Variants in ALOX5 observed in about 807,000 individuals in gnomAD.
ALOX5 encodes the protein polyunsaturated fatty acid 5-lipoxygenase.
ALOX5 carries 64 observed loss-of-function variants against 87.9 expected under a neutral mutation model. The observed-to-expected ratio is 0.73, with a 90% CI of 0.60 to 0.90. ALOX5 has a LOEUF of 0.90. Ranked by LOEUF, ALOX5 falls within the 40% of genes least tolerant of loss-of-function variation. ALOX5 has a pLI of 0.00. For synonymous variants in ALOX5, 388 were observed against 355.1 expected, an observed-to-expected ratio of 1.09 and a Z score of -1.04; for missense variants, 822 against 907.5, an observed-to-expected ratio of 0.91 and a Z score of 1.21.
chr10:45,428,505 G>A, intron 6 of ALOX5, 113 bp from the exon 7 acceptor site: 3 of 1,349,332 alleles, frequency 2.2e-6, no homozygotes, highest in Middle Eastern at 2.6e-4. Flanking sequence ...TCTGAGCTCC[G>A]CTGAGTCGCA....
intron 3 of ALOX5, among the ~76,000 whole-genome samples, chr10:45,405,187 A>G (rs961288737): frequency 7.2e-5 from 11 of 152,264 alleles, no homozygotes; most frequent in Admixed American, 6.5e-5. Context: ...TGGCAGATCC[A>G]TTTCCAGAAC....
chr10:45,376,610 A>G (rs538549201), intron 1 of ALOX5, among the ~76,000 whole-genome samples: 1 of 152,232 alleles, frequency 6.6e-6, no homozygotes, highest in African/African-American at 2.4e-5. Flanking sequence ...TAAAATCTGT[A>G]TTGTTAACAG....
At chr10:45,420,519 A>G (rs958432710) in intron 4 of ALOX5, among the ~76,000 whole-genome samples, 1 of 152,226 alleles carries the variant, frequency 6.6e-6, no homozygotes, top group Non-Finnish European at 1.5e-5. Context: ...GGCCCTTGCT[A>G]AAATCTGGAT....
intron 11 of ALOX5, 24 bp downstream of exon 11, chr10:45,443,561 G>A: frequency 6.2e-7 from 1 of 1,604,164 alleles, no homozygotes; most frequent in South Asian, 1.1e-5. Context: ...GACGTCTCCG[G>A]ACCCGGCTCC....
chr10:45,399,527 A>T (rs913828472), intron 3 of ALOX5, among the ~76,000 whole-genome samples: 3 of 152,270 alleles, frequency 2.0e-5, no homozygotes, highest in Non-Finnish European at 4.4e-5. Context: ...GTAAGGGCTA[A>T]CAACATAACA....
At chr10:45,393,798 T>G (rs1840393016) in intron 2 of ALOX5, among the ~76,000 whole-genome samples, 1 of 152,172 alleles carries the variant, frequency 6.6e-6, no homozygotes. Flanking sequence ...ACAAGCATTC[T>G]TATACACCAA....
intron 3 of ALOX5, among the ~76,000 whole-genome samples, chr10:45,406,941 A>ATAT (rs1286782915): frequency 2.6e-5 from 4 of 152,122 alleles, no homozygotes; most frequent in Non-Finnish European, 5.9e-5. Context: ...GTTTACTATT[A>ATAT]TATTTGCTGT....
At chr10:45,423,966 G>A (rs758315393) in intron 4 of ALOX5, 75 bp from the exon 5 acceptor site, 10 of 1,212,724 alleles carry the variant, frequency 8.2e-6, no homozygotes, top group Non-Finnish European at 1.1e-5. Flanking sequence ...GGACCCCTGA[G>A]AGCTTGGTGT....
intron 4 of ALOX5, among the ~76,000 whole-genome samples, chr10:45,412,924 T>C (rs1255377214): frequency 1.3e-5 from 2 of 152,226 alleles, no homozygotes; most frequent in Non-Finnish European, 2.9e-5. Context: ...CGGGAGACTC[T>C]AGGCTGCTTG....
rs780414635 is a variant in ALOX5 at position 45,425,002 on chromosome 10, A to G, written c.704A>G (p.Tyr235Cys). 1 of 1,614,194 alleles carries G rather than the reference A, an allele frequency of 6.2e-7. No homozygotes were observed. The change falls in exon 6 of 14, where the codon TAC (tyrosine) becomes TGC (cysteine). Residue 235 changes from tyrosine to cysteine, a missense_variant. Tyr to Cys is a radical substitution (Grantham distance 194). Coordinates refer to ENST00000374391, the MANE Select transcript of ALOX5 (RefSeq NM_000698.5). The surrounding 1 kb of genome is among the most constrained non-coding windows in gnomAD (Gnocchi z 4.4). Reference sequence around the variant, plus strand: ...TGGCAGGAAGACCTGATGTTTGGCTACCAGTTCCTGAATGGCTGCAACCCT... The same window carrying G: ...TGGCAGGAAGACCTGATGTTTGGCTGCCAGTTCCTGAATGGCTGCAACCCT... ...NHWQEDLMFGYQFLNGCNPVL... is the reference protein window; with the variant it reads ...NHWQEDLMFGCQFLNGCNPVL...
At chr10:45,392,715 G>GA (rs922399767) in intron 2 of ALOX5, among the ~76,000 whole-genome samples, 15 of 140,350 alleles carry the variant, frequency 1.1e-4, no homozygotes, top group Middle Eastern at 7.1e-3. Flanking sequence ...TAAAAAAAAA[G>GA]AAAAAAAAAA....
chr10:45,434,906 T>TTTTC lies in ALOX5; in HGVS notation c.982-5518_982-5515dup, dbSNP rs145514750. Reference sequence around the variant, plus strand: ...CTGGGCGCTGGAAGATGAGATGATGTTTTCTTTCTCAGGCTCTCCTGTCAT... The same window carrying TTTTC: ...CTGGGCGCTGGAAGATGAGATGATGTTTTCTTTCTTTCTCAGGCTCTCCTGTCAT... On this transcript the variant is annotated intron_variant, in intron 7 of 13. Transcript: ENST00000374391. 9.9e-3 allele frequency among the ~76,000 whole-genome samples: 1,510 copies of TTTTC among 152,340 alleles called. 22 individuals are homozygous for TTTTC. Among genetic ancestry groups the TTTTC allele is most frequent in the East Asian group, 0.053 (274 of 5,188 alleles).
intron 4 of ALOX5, among the ~76,000 whole-genome samples, chr10:45,423,312 A>G (rs560163629): frequency 6.6e-6 from 1 of 152,342 alleles, no homozygotes; most frequent in African/African-American, 2.4e-5. Flanking sequence ...TTTGTGTGCC[A>G]GAGAGAGAAA....
At chr10:45,399,350 G>A (rs532786619) in intron 3 of ALOX5, among the ~76,000 whole-genome samples, 2 of 152,338 alleles carry the variant, frequency 1.3e-5, no homozygotes, top group African/African-American at 4.8e-5. Context: ...TTTTGCCGGG[G>A]ATGAAAATGT....
intron 9 of ALOX5, chr10:45,441,687 GCCTCTGGGACCTGGGTGTAGACCCC>G: frequency 2.1e-6 from 1 of 467,640 alleles, no homozygotes; most frequent in Admixed American, 4.0e-5. Flanking sequence ...CCCTCTCCCA[GCCTCTGGGACCTGGGTGTAGACCCC>G]CCTCTGGAAC....
intron 7 of ALOX5, among the ~76,000 whole-genome samples, chr10:45,433,456 T>G (rs12266963): frequency 0.043 from 6,475 of 152,292 alleles, 237 homozygotes; most frequent in African/African-American, 0.094. Flanking sequence ...GATTGGGATA[T>G]AATCTACGAG....
At position 45,440,930 on chromosome 10, in the gene ALOX5, C is replaced by G. The variant is rs1241086686; in HGVS notation, c.1185+297C>G. Among the ~76,000 whole-genome samples the G allele has an allele frequency of 5.3e-5, 8 of 152,316 alleles. No individual in the cohort carries two copies. In the East Asian group the frequency reaches 1.5e-3, roughly 29 times the overall value. ...ATCCTCGGCTGATGCTGATGGCCGC[C>G]CCTGCCATCACTCTCCGTCCCTGTT... On this transcript the variant is annotated intron_variant, in intron 8 of 13. Coordinates refer to ENST00000374391, the MANE Select transcript of ALOX5 (RefSeq NM_000698.5).
chr10:45,394,122 A>G (rs540878728), intron 2 of ALOX5, among the ~76,000 whole-genome samples: 6 of 152,254 alleles, frequency 3.9e-5, no homozygotes, highest in Admixed American at 6.5e-5. Flanking sequence ...TTCATATGGA[A>G]CCAAAAAAGA....
At position 45,378,598 on chromosome 10, in the gene ALOX5, C is replaced by CCAGAGAGGAGGGAGG. The variant is rs1387675770; in HGVS notation, c.151-3885_151-3884insCAGAGAGGAGGGAGG. Among the ~76,000 whole-genome samples, 5 of 152,288 alleles carry CCAGAGAGGAGGGAGG rather than the reference C, an allele frequency of 3.3e-5. No homozygotes were observed. The East Asian group carries it at 9.6e-4, about 29-fold the overall frequency. On this transcript the variant is annotated intron_variant, in intron 1 of 13. Transcript: ENST00000374391. ...CCCAGAGAGGAGGGAGGAAGGTGGC[C>CCAGAGAGGAGGGAGG]ATTGTAGTTCCACAAACCTTCCGAA... is the stretch of plus-strand genomic sequence containing the variant.
Sources: allele counts gnomAD v4.1 joint callset (sites outside exome capture counted in the v4.1 genomes callset), GRCh38; gene constraint gnomAD v4.1.1; non-coding constraint Gnocchi (gnomAD v3.1); transcripts MANE v1.5; gene names NCBI Gene and HGNC (gene_info 2026-07-23, HGNC 2026-07-21).